PHLPP1: variants seen among roughly 807,000 people sequenced by gnomAD.
PHLPP1 encodes PH domain leucine-rich repeat-containing protein phosphatase 1.
PHLPP1 carries 42 observed loss-of-function variants against 117.2 expected under a neutral mutation model. The ratio of observed to expected loss-of-function variants is 0.36; its 90% CI spans 0.28 to 0.46. The LOEUF is 0.46. Ranked by LOEUF, PHLPP1 falls within the 20% of genes least tolerant of loss-of-function variation. The pLI is 1.00. For synonymous variants in PHLPP1, 1,042 were observed against 970.7 expected (o/e 1.07, Z -1.37); for missense variants, 2,084 against 2,241.9 (o/e 0.93, Z 1.42).
At chr18:62,746,136 C>T (rs543910259) in intron 1 of PHLPP1, among the ~76,000 whole-genome samples, 10 of 152,262 alleles carry the variant, frequency 6.6e-5, no homozygotes, top group African/African-American at 1.9e-4. Context: ...CTCCCCCTCC[C>T]GGGTTCAAGC....
chr18:62,836,464 TAAATAAATAAATAAATAAATAAAA>T lies in PHLPP1; in HGVS notation c.1774-2318_1774-2295del, dbSNP rs1225833087. 4.1e-5 allele frequency among the ~76,000 whole-genome samples: 6 copies of T among 147,226 alleles called. No individual in the cohort carries two copies. The South Asian group carries it at 8.7e-4, about 21-fold the overall frequency. On this transcript the variant is annotated intron_variant, in intron 2 of 16. Transcript: ENST00000262719. ...ATAAATAAATAAATAAATAAATAAA[TAAATAAATAAATAAATAAATAAAA>T]ATAAATTACTGGATTTTGATGCAAC...
At chr18:62,963,525 T>G in intron 14 of PHLPP1, 53 bp downstream of exon 14, 1 of 1,130,638 alleles carries the variant, frequency 8.8e-7, no homozygotes, top group Non-Finnish European at 1.3e-6. Context: ...GTCTCACTCC[T>G]TTAGTTGGGT....
intron 1 of PHLPP1, among the ~76,000 whole-genome samples, chr18:62,811,618 T>C (rs907576823): frequency 6.6e-6 from 1 of 151,926 alleles, no homozygotes; most frequent in Non-Finnish European, 1.5e-5. Context: ...TTAGAAAACA[T>C]TTAAGTGAGA....
intron 10 of PHLPP1, among the ~76,000 whole-genome samples, chr18:62,936,851 T>C (rs1909983506): frequency 6.6e-6 from 1 of 152,168 alleles, no homozygotes; most frequent in East Asian, 1.9e-4. Flanking sequence ...CTTGTGAAGA[T>C]AGATGGAACT....
intron 6 of PHLPP1, among the ~76,000 whole-genome samples, chr18:62,900,903 G>C (rs1416249992): frequency 6.6e-6 from 1 of 152,120 alleles, no homozygotes; most frequent in Non-Finnish European, 1.5e-5. Context: ...AAGTCATGCT[G>C]TACACAATAA....
At chr18:62,864,819 G>C (rs1235713658) in intron 4 of PHLPP1, among the ~76,000 whole-genome samples, 1 of 152,052 alleles carries the variant, frequency 6.6e-6, no homozygotes, top group Non-Finnish European at 1.5e-5. Context: ...AGAGATCACT[G>C]GTTGGTTCAC....
chr18:62,936,216 G>T (rs1227948233), intron 10 of PHLPP1, among the ~76,000 whole-genome samples: 1 of 152,108 alleles, frequency 6.6e-6, no homozygotes, highest in Non-Finnish European at 1.5e-5. Flanking sequence ...CCACATTTGG[G>T]ACAACGTGAG....
intron 12 of PHLPP1, among the ~76,000 whole-genome samples, chr18:62,952,701 A>G (rs1252920595): frequency 6.6e-6 from 1 of 152,142 alleles, no homozygotes; most frequent in African/African-American, 2.4e-5. Context: ...ATCATAACTC[A>G]CTGCAGCCTC....
intron 1 of PHLPP1, among the ~76,000 whole-genome samples, chr18:62,766,607 C>T (rs1912543072): frequency 6.6e-6 from 1 of 152,088 alleles, no homozygotes; most frequent in South Asian, 2.1e-4. Flanking sequence ...TAGCCAAGAC[C>T]ACTCAACTAA....
At chr18:62,853,370 TG>T (rs1915410233) in intron 3 of PHLPP1, among the ~76,000 whole-genome samples, 1 of 151,932 alleles carries the variant, frequency 6.6e-6, no homozygotes, top group Non-Finnish European at 1.5e-5. Context: ...TTTTTGTTCT[TG>T]TTTCGTTTTG....
Position 62,972,540 on chromosome 18 carries a change from A to G in PHLPP1, c.3587A>G (p.Asn1196Ser). Residue 1196 changes from asparagine (N) to serine (S), a missense_variant, in exon 15 of 17, where the codon AAT becomes AGT. Coordinates refer to ENST00000262719, the MANE Select transcript of PHLPP1 (RefSeq NM_194449.4). The part of the protein sequence containing the change: ...NKLCVAALSV[N>S]NFCDNREALY... ...TTGTGTGTCGCAGCCCTGTCGGTGA[A>G]TAACTTCTGTGACAACCGCGAAGCC... The G allele has an allele frequency of 3.7e-6, 6 of 1,613,086 alleles. No individual in the cohort carries two copies. The highest frequency in any genetic ancestry group is 1.3e-5 in the African/African-American group (1 of 75,036).
At chr18:62,913,494 T>G (rs913603382) in intron 8 of PHLPP1, among the ~76,000 whole-genome samples, 1 of 152,202 alleles carries the variant, frequency 6.6e-6, no homozygotes, top group Non-Finnish European at 1.5e-5. Flanking sequence ...TTCCTTTTGC[T>G]GTAATATCTT....
intron 4 of PHLPP1, 150 bp downstream of exon 4, chr18:62,860,751 A>C (rs1309225856): frequency 3.2e-6 from 2 of 623,706 alleles, no homozygotes; most frequent in Non-Finnish European, 5.3e-6. Context: ...TTATTAGTGA[A>C]GACATTACCA....
chr18:62,730,214 C>G (rs1001959520), intron 1 of PHLPP1, among the ~76,000 whole-genome samples: 1 of 152,200 alleles, frequency 6.6e-6, no homozygotes, highest in Non-Finnish European at 1.5e-5. Flanking sequence ...AAACTAGTTA[C>G]CACCTGGACT....
chr18:62,765,216 A>G (rs976490859), intron 1 of PHLPP1, among the ~76,000 whole-genome samples: 2 of 152,048 alleles, frequency 1.3e-5, no homozygotes, highest in South Asian at 2.1e-4. Flanking sequence ...GACCTACCCC[A>G]TCTTATGCAT....
intron 4 of PHLPP1, among the ~76,000 whole-genome samples, chr18:62,883,147 T>C (rs958218131): frequency 6.6e-6 from 1 of 152,086 alleles, no homozygotes; most frequent in East Asian, 1.9e-4. Flanking sequence ...CTGTACCACT[T>C]TGGGTGGAGT....
chr18:62,820,364 G>A (rs1187212587), intron 1 of PHLPP1, among the ~76,000 whole-genome samples: 4 of 152,198 alleles, frequency 2.6e-5, no homozygotes, highest in Non-Finnish European at 5.9e-5. Flanking sequence ...ATAGAATAAT[G>A]CACTCTGCAA....
chr18:62,812,967 T>C (rs1393317397), intron 1 of PHLPP1, among the ~76,000 whole-genome samples: 1 of 152,230 alleles, frequency 6.6e-6, no homozygotes, highest in Admixed American at 6.5e-5. Flanking sequence ...AATGAAAATA[T>C]TGCTCATCAA....
chr18:62,726,479 T>C (rs1911074196), intron 1 of PHLPP1, among the ~76,000 whole-genome samples: 1 of 152,006 alleles, frequency 6.6e-6, no homozygotes, highest in Non-Finnish European at 1.5e-5. Context: ...GTCTGTGTCA[T>C]GCTTAGGAAT....
Sources: allele counts gnomAD v4.1 joint callset (sites outside exome capture counted in the v4.1 genomes callset), GRCh38; gene constraint gnomAD v4.1.1; transcripts MANE v1.5; gene names NCBI Gene and HGNC (gene_info 2026-07-23, HGNC 2026-07-21).